The following THSD7B variants were observed in gnomAD, a reference collection of about 807,000 sequenced individuals.
THSD7B encodes the protein thrombospondin type-1 domain-containing protein 7B.
THSD7B carries 138 observed loss-of-function variants against 213.6 expected under a neutral mutation model. That is an observed-to-expected ratio of 0.65 (90% CI 0.56 to 0.74). The LOEUF (loss-of-function observed/expected upper bound fraction) is 0.74. Ranked by LOEUF, THSD7B falls within the 30% of genes least tolerant of loss-of-function variation. The pLI is 0.00. For synonymous variants in THSD7B, 742 were observed against 687.0 expected, an observed-to-expected ratio of 1.08 and a Z score of -1.25; for missense variants, 1,931 against 1,991.5, an observed-to-expected ratio of 0.97 and a Z score of 0.58.
At chr2:137,516,516 C>T (rs894272738) in intron 15 of THSD7B, among the ~76,000 whole-genome samples, 1 of 152,310 alleles carries the variant, frequency 6.6e-6, no homozygotes, top group South Asian at 2.1e-4. Flanking sequence ...ATGTTGAGGA[C>T]TACTGGACAT....
chr2:137,528,437 G>A (rs907215388), intron 15 of THSD7B, among the ~76,000 whole-genome samples: 2 of 152,072 alleles, frequency 1.3e-5, no homozygotes, highest in Non-Finnish European at 2.9e-5. Flanking sequence ...GGGACAATAT[G>A]TTTAGCAATA....
intron 1 of THSD7B, among the ~76,000 whole-genome samples, chr2:136,816,039 C>T (rs1461263590): frequency 6.6e-6 from 1 of 152,130 alleles, no homozygotes; most frequent in Admixed American, 6.5e-5. Flanking sequence ...TGTCAGTCAC[C>T]AAGCCTGGAT....
chr2:137,336,352 C>T (rs1366248045), intron 12 of THSD7B, among the ~76,000 whole-genome samples: 1 of 152,152 alleles, frequency 6.6e-6, no homozygotes, highest in Non-Finnish European at 1.5e-5. Context: ...TTTACTCCAC[C>T]TGAGCTCACG....
chr2:136,836,116 AGAAAACTGCTAG>A (rs1405780735), intron 1 of THSD7B, among the ~76,000 whole-genome samples: 1 of 152,232 alleles, frequency 6.6e-6, no homozygotes, highest in Non-Finnish European at 1.5e-5. Flanking sequence ...TCAGAGCTAA[AGAAAACTGCTAG>A]TCAAAACAGT....
At chr2:137,072,280 C>T (rs1238190342) in intron 3 of THSD7B, among the ~76,000 whole-genome samples, 3 of 152,122 alleles carry the variant, frequency 2.0e-5, no homozygotes, top group African/African-American at 4.8e-5. Context: ...TCTTTTATTT[C>T]GTTGAGCAGT....
At chr2:137,437,482 C>T (rs1687319525) in intron 14 of THSD7B, among the ~76,000 whole-genome samples, 2 of 152,114 alleles carry the variant, frequency 1.3e-5, no homozygotes, top group Non-Finnish European at 2.9e-5. Flanking sequence ...TCAACATGTC[C>T]TGAATTATAT....
chr2:136,864,403 C>T (rs1683300499), intron 1 of THSD7B, among the ~76,000 whole-genome samples: 2 of 152,196 alleles, frequency 1.3e-5, no homozygotes, highest in South Asian at 4.1e-4. Flanking sequence ...TAAAATCTCT[C>T]ATATTTCTAC....
intron 14 of THSD7B, among the ~76,000 whole-genome samples, chr2:137,413,968 A>G (rs115307289): frequency 0.012 from 1,848 of 152,276 alleles, 15 homozygotes; most frequent in Non-Finnish European, 0.019. Context: ...TTAGAGATAG[A>G]ATTGACAAGA....
intron 27 of THSD7B, among the ~76,000 whole-genome samples, chr2:137,671,441 A>G (rs1683574716): frequency 6.6e-6 from 1 of 151,610 alleles, no homozygotes; most frequent in African/African-American, 2.4e-5. Context: ...GGTAATTTAT[A>G]AAGGAAAGAG....
intron 12 of THSD7B, among the ~76,000 whole-genome samples, chr2:137,316,994 T>C (rs762892407): frequency 1.3e-5 from 2 of 152,112 alleles, no homozygotes; most frequent in African/African-American, 4.8e-5. Flanking sequence ...AGTAAAACCA[T>C]AGGGGAAAAA....
chr2:137,503,574 A>C (rs1679760878), intron 15 of THSD7B, among the ~76,000 whole-genome samples: 1 of 152,230 alleles, frequency 6.6e-6, no homozygotes, highest in South Asian at 2.1e-4. Flanking sequence ...CTGAAGAGTC[A>C]TAAAAACAGC....
At chr2:137,517,654 G>A (rs1275214743) in intron 15 of THSD7B, among the ~76,000 whole-genome samples, 1 of 152,148 alleles carries the variant, frequency 6.6e-6, no homozygotes, top group African/African-American at 2.4e-5. Context: ...AAGAGAAGAA[G>A]GCTCTGAAAC....
chr2:137,545,719 C>T (rs1159704197), intron 15 of THSD7B, among the ~76,000 whole-genome samples: 1 of 151,870 alleles, frequency 6.6e-6, no homozygotes, highest in Non-Finnish European at 1.5e-5. Flanking sequence ...CTCTATACTT[C>T]CTAGAGTTCA....
At chr2:137,286,657 C>CA (rs1314046376) in intron 12 of THSD7B, among the ~76,000 whole-genome samples, 2 of 151,362 alleles carry the variant, frequency 1.3e-5, no homozygotes, top group Non-Finnish European at 1.5e-5. Context: ...TGAACAATAG[C>CA]AAAAAAACAG....
chr2:137,517,505 C>T (rs1195929618), intron 15 of THSD7B, among the ~76,000 whole-genome samples: 1 of 152,104 alleles, frequency 6.6e-6, no homozygotes, highest in Non-Finnish European at 1.5e-5. Flanking sequence ...GCATTTGGTC[C>T]CTCCTACAAC....
chr2:137,044,087 G>T (rs1285717544), intron 2 of THSD7B, among the ~76,000 whole-genome samples: 1 of 152,116 alleles, frequency 6.6e-6, no homozygotes, highest in Non-Finnish European at 1.5e-5. Context: ...TGCTTCTGGG[G>T]TTTTTCTCAG....
intron 1 of THSD7B, among the ~76,000 whole-genome samples, chr2:136,860,508 A>G (rs1173583506): frequency 6.6e-6 from 1 of 152,204 alleles, no homozygotes; most frequent in Non-Finnish European, 1.5e-5. Context: ...CTCTTACTGC[A>G]CAGCCTTCCC....
rs1210260423 is a variant in THSD7B, at chr2:137,508,437, C to T, written c.3139-54784C>T. ...TGTCGCCCAGGCTGGAGTGCAGTGG[C>T]GGGATCTCTGCTCACTGCAAGCTCC... is the stretch of plus-strand genomic sequence containing the variant. On this transcript the variant is annotated intron_variant, in intron 15 of 27. Coordinates refer to ENST00000409968, the MANE Select transcript of THSD7B (RefSeq NM_001316349.2). Among the ~76,000 whole-genome samples the T allele has an allele frequency of 2.1e-5, 3 of 139,664 alleles. No homozygotes were observed. The South Asian group carries it at 6.8e-4, about 32-fold the overall frequency. The allele number at this position is 139,664 out of a possible 152,430, so 91.6% of individuals were successfully genotyped here.
chr2:137,081,680 T>C (rs948976873), intron 3 of THSD7B, among the ~76,000 whole-genome samples: 6 of 152,196 alleles, frequency 3.9e-5, no homozygotes, highest in African/African-American at 1.4e-4. Context: ...GGTTTTTCTT[T>C]TCAGCTTTGT....
Sources: gnomAD v4.1 joint callset for allele counts (sites outside exome capture counted in the v4.1 genomes callset) on GRCh38, gnomAD v4.1.1 for gene constraint, MANE v1.5 for transcripts, NCBI Gene and HGNC (gene_info 2026-07-23, HGNC 2026-07-21) for gene names.